The following GALNT18 variants were observed in gnomAD, a reference collection of about 807,000 sequenced individuals.
GALNT18 encodes polypeptide N-acetylgalactosaminyltransferase 18.
GALNT18 carries 44 observed loss-of-function variants against 69.5 expected under a neutral mutation model. That is an observed-to-expected ratio of 0.63 (90% CI 0.50 to 0.81). GALNT18 has a LOEUF of 0.81. GALNT18 is among the 40% of genes least tolerant of loss of function. The probability of loss-of-function intolerance (pLI) is 0.00; values close to 1 mark genes in which losing one functional copy is unlikely to be tolerated. For synonymous variants in GALNT18, 364 were observed against 318.2 expected, an observed-to-expected ratio of 1.14 and a Z score of -1.53; for missense variants, 715 against 810.0, an observed-to-expected ratio of 0.88 and a Z score of 1.42.
chr11:11,535,682 G>A (rs1857757354), intron 1 of GALNT18, among the ~76,000 whole-genome samples: 1 of 152,150 alleles, frequency 6.6e-6, no homozygotes, highest in East Asian at 1.9e-4. Context: ...AGCTTCCACA[G>A]CCAATCCCTG....
At chr11:11,271,544 T>C in intron 10 of GALNT18, among the ~76,000 whole-genome samples, 1 of 150,570 alleles carries the variant, frequency 6.6e-6, no homozygotes, top group East Asian at 1.9e-4. Context: ...CACCCCTAGG[T>C]AGTTCTGTCT....
intron 1 of GALNT18, among the ~76,000 whole-genome samples, chr11:11,589,937 A>T (rs1406358140): frequency 6.6e-6 from 1 of 152,246 alleles, no homozygotes; most frequent in Non-Finnish European, 1.5e-5. Flanking sequence ...AACCTGAGCC[A>T]GCCATTAAAG....
chr11:11,519,958 G>C (rs1857359212), intron 1 of GALNT18, among the ~76,000 whole-genome samples: 1 of 152,222 alleles, frequency 6.6e-6, no homozygotes, highest in African/African-American at 2.4e-5. Context: ...AGCGACACTG[G>C]ATCAGGTCTG....
intron 5 of GALNT18, among the ~76,000 whole-genome samples, chr11:11,375,996 A>G (rs1853742630): frequency 6.6e-6 from 1 of 152,188 alleles, no homozygotes; most frequent in Admixed American, 6.5e-5. Context: ...TTGCACTCCA[A>G]AAACTGTACC....
intron 1 of GALNT18, among the ~76,000 whole-genome samples, chr11:11,449,336 G>A (rs1855739181): frequency 6.6e-6 from 1 of 152,048 alleles, no homozygotes. Flanking sequence ...CAATTCCCAA[G>A]CCCACCCCAC....
At chr11:11,426,666 T>A (rs975366807) in intron 3 of GALNT18, among the ~76,000 whole-genome samples, 3 of 152,132 alleles carry the variant, frequency 2.0e-5, no homozygotes, top group Admixed American at 6.5e-5. Flanking sequence ...GAGCACAGTA[T>A]GTCAGAAGGC....
At position 11,293,071 on chromosome 11, in the gene GALNT18, G is replaced by A. The variant is rs16909352; in HGVS notation, c.1635C>T (p.Tyr545=). The change falls in exon 10 of 11, where the codon TAC becomes TAT. Residue 545 remains tyrosine, a synonymous_variant. Transcript: ENST00000227756. ...GAAGCTTCATCCTCTTGGCTTTGGC[G>A]TAGCTGCATTCGATGAGCCGGGGCC... ...NSRPRLIECS[Y]AKAKRMKLHW... The A allele has an allele frequency of 5.2e-3, 7,216 of 1,389,182 alleles. 330 individuals are homozygous for A. The African/African-American group carries it at 0.094, about 18-fold the overall frequency. 86.1% of individuals were successfully genotyped at this position (1,389,182 alleles called of 1,614,324 possible). A position where few individuals can be genotyped will look rare whatever the true frequency, so the allele number is the denominator to read the frequency against.
intron 1 of GALNT18, among the ~76,000 whole-genome samples, chr11:11,528,257 C>T (rs868744029): frequency 5.9e-5 from 9 of 152,294 alleles, no homozygotes; most frequent in Middle Eastern, 6.8e-3. Flanking sequence ...ACTAGGAAGG[C>T]TAAAGCACAG....
At chr11:11,610,340 T>C (rs1331102782) in intron 1 of GALNT18, among the ~76,000 whole-genome samples, 1 of 152,206 alleles carries the variant, frequency 6.6e-6, no homozygotes, top group Non-Finnish European at 1.5e-5. Context: ...ATAAGCTCAT[T>C]ACAGTCACTA....
chr11:11,378,875 CT>C (rs1853839218), intron 4 of GALNT18, among the ~76,000 whole-genome samples: 2 of 152,220 alleles, frequency 1.3e-5, no homozygotes, highest in African/African-American at 4.8e-5. Flanking sequence ...CTGTTGACCC[CT>C]GGCTACCCCC....
At chr11:11,615,794 T>C (rs544194168) in intron 1 of GALNT18, among the ~76,000 whole-genome samples, 1 of 152,266 alleles carries the variant, frequency 6.6e-6, no homozygotes, top group African/African-American at 2.4e-5. Flanking sequence ...AGACCCCACT[T>C]AACCCTTTTA....
At chr11:11,412,231 C>A (rs1233581117) in intron 3 of GALNT18, among the ~76,000 whole-genome samples, 1 of 152,128 alleles carries the variant, frequency 6.6e-6, no homozygotes, top group Admixed American at 6.5e-5. Flanking sequence ...GGCTCCACTG[C>A]AATTTAAGGT....
chr11:11,274,584 G>A (rs572036276), intron 10 of GALNT18, among the ~76,000 whole-genome samples: 2 of 152,228 alleles, frequency 1.3e-5, no homozygotes, highest in South Asian at 4.2e-4. Context: ...AAGTTCTGAG[G>A]TACATGTGCA....
At chr11:11,524,922 T>C (rs906861611) in intron 1 of GALNT18, among the ~76,000 whole-genome samples, 1 of 152,100 alleles carries the variant, frequency 6.6e-6, no homozygotes. Flanking sequence ...AAACACAAGC[T>C]CTGAGAAGCA....
Position 11,564,720 on chromosome 11 carries a change from A to G in GALNT18, c.235+56639T>C, listed in dbSNP as rs905150784. 6.6e-6 allele frequency among the ~76,000 whole-genome samples: 1 copy of G among 152,150 alleles called. No individual in the cohort carries two copies. The highest frequency in any genetic ancestry group is 2.4e-5 in the African/African-American group (1 of 41,432). ...TCCAGCCAGTCAACCCACACAGCACATTTGCCTAGACTATCCCTGGTCAAC... is the reference window on the plus strand; with the variant it reads ...TCCAGCCAGTCAACCCACACAGCACGTTTGCCTAGACTATCCCTGGTCAAC... On this transcript the variant is annotated intron_variant, in intron 1 of 10. Coordinates refer to ENST00000227756, the MANE Select transcript of GALNT18 (RefSeq NM_198516.3). This position sits in a 1 kb window ranked among gnomAD's most constrained non-coding sequence, Gnocchi z 4.3.
At position 11,309,085 on chromosome 11, in the gene GALNT18, C is replaced by G. The variant is rs914075440; in HGVS notation, c.1513-15892G>C. ...GGCCTAATGGAAGGTGTTTGGATCA[C>G]TGGAGCACTGCCCTCATGAATGGAT... On this transcript the variant is annotated intron_variant, in intron 9 of 10. Transcript: ENST00000227756. The surrounding 1 kb of genome is among the most constrained non-coding windows in gnomAD (Gnocchi z 4.6). Among the ~76,000 whole-genome samples the G allele has an allele frequency of 2.6e-5, 4 of 151,898 alleles. No individual in the cohort carries two copies. The highest frequency in any genetic ancestry group is 5.9e-5 in the Non-Finnish European group (4 of 67,926).
intron 1 of GALNT18, among the ~76,000 whole-genome samples, chr11:11,479,029 C>T (rs1856466525): frequency 6.6e-6 from 1 of 152,218 alleles, no homozygotes; most frequent in Non-Finnish European, 1.5e-5. Context: ...GCGTCTTGGG[C>T]TCTGGAAAAA....
intron 3 of GALNT18, among the ~76,000 whole-genome samples, chr11:11,379,533 C>T (rs948925526): frequency 1.2e-4 from 18 of 152,232 alleles, no homozygotes; most frequent in African/African-American, 4.3e-4. Context: ...TCTATTTAAT[C>T]TTCACAACAA....
At chr11:11,566,293 A>T (rs1213123345) in intron 1 of GALNT18, among the ~76,000 whole-genome samples, 2 of 152,234 alleles carry the variant, frequency 1.3e-5, no homozygotes, top group Non-Finnish European at 2.9e-5. Flanking sequence ...CAGAGACAAT[A>T]TGTAAATCAA....
Sources: gnomAD v4.1 joint callset for allele counts (sites outside exome capture counted in the v4.1 genomes callset) on GRCh38, gnomAD v4.1.1 for gene constraint, Gnocchi (gnomAD v3.1) non-coding constraint, MANE v1.5 for transcripts, NCBI Gene and HGNC (gene_info 2026-07-23, HGNC 2026-07-21) for gene names.